The following PHF3 variants were observed in gnomAD, a reference collection of about 807,000 sequenced individuals.
PHF3 encodes PHD finger protein 3.
In PHF3, 41 loss-of-function variants were observed where a neutral mutation model predicts 178.4. That is an observed-to-expected ratio of 0.23 (90% confidence interval 0.18 to 0.30). The LOEUF (loss-of-function observed/expected upper bound fraction) is 0.30, where lower values mean the gene tolerates loss of function less well. Among genes scored for constraint, PHF3 ranks in the 10% least tolerant of loss-of-function variants. PHF3 has a pLI of 1.00. For synonymous variants in PHF3, 842 were observed against 800.5 expected, an observed-to-expected ratio of 1.05 and a Z score of -0.88; for missense variants, 2,346 against 2,398.1, an observed-to-expected ratio of 0.98 and a Z score of 0.45.
At position 63,635,913 on chromosome 6, in the gene PHF3, C is replaced by G; in HGVS notation, c.-263C>G. 2.5e-6 allele frequency: 1 copy of G among 397,986 alleles called. No homozygotes were observed. Among genetic ancestry groups the G allele is most frequent in the Non-Finnish European group, 4.4e-6 (1 of 225,684 alleles). The allele number at this position is 397,986 out of a possible 1,614,324, so 24.7% of individuals were successfully genotyped here. On this transcript the variant is annotated 5_prime_UTR_variant, in exon 1 of 16. Coordinates refer to ENST00000262043, the MANE Select transcript of PHF3 (RefSeq NM_001370348.2). ...CCCCACGCGGCAAGCGACCTTCGGG[C>G]TCAGGGCGGCGGCGGCTGCAACGAG... is the stretch of plus-strand genomic sequence containing the variant.
intron 6 of PHF3, 89 bp downstream of exon 6, chr6:63,694,853 A>ATGTTGTATT: frequency 1.3e-6 from 1 of 742,754 alleles, no homozygotes; most frequent in Non-Finnish European, 1.8e-6. Context: ...GAATTTTTAC[A>ATGTTGTATT]AATTTAACAT....
chr6:63,673,128 A>C (rs776991579), intron 2 of PHF3, among the ~76,000 whole-genome samples: 4 of 150,310 alleles, frequency 2.7e-5, no homozygotes, highest in Non-Finnish European at 4.4e-5. Flanking sequence ...TTTTTTTTTT[A>C]ATGTCAACAA....
At chr6:63,663,687 G>A (rs981713520) in intron 2 of PHF3, among the ~76,000 whole-genome samples, 6 of 152,146 alleles carry the variant, frequency 3.9e-5, no homozygotes, top group Non-Finnish European at 8.8e-5. Context: ...AACAGTGATA[G>A]AAAACTCCAG....
rs766985269 is a variant in PHF3, at chr6:63,684,486, G to A, written c.764G>A (p.Cys255Tyr). 6.2e-7 allele frequency: 1 copy of A among 1,613,770 alleles called. No homozygotes were observed. The highest frequency in any genetic ancestry group is 8.5e-7 in the Non-Finnish European group (1 of 1,179,788). The change falls in exon 4 of 16, where the codon TGT becomes TAT. Residue 255 changes from cysteine (C) to tyrosine (Y), a missense_variant. Physicochemically the swap from Cys to Tyr is radical, Grantham distance 194. Around this residue, in one of 8 missense-constraint regions of PHF3, gnomAD observed 843 missense variants for 795.2 expected, o/e 1.06. Coordinates refer to ENST00000262043, the MANE Select transcript of PHF3 (RefSeq NM_001370348.2). ...GATGTGCCATCTCATGAATTAAATT[G>A]TTCACTTCTTTCAGAGACTTGTGTT... ...EIDVPSHELN[C>Y]SLLSETCVTI...
At chr6:63,705,668 G>A (rs538868282) in intron 11 of PHF3, among the ~76,000 whole-genome samples, 3 of 152,292 alleles carry the variant, frequency 2.0e-5, no homozygotes, top group East Asian at 1.9e-4. Flanking sequence ...TGCTAATCTT[G>A]TCCATATTTA....
At chr6:63,700,510 T>C (rs1256842051) in intron 9 of PHF3, 44 bp downstream of exon 9, 4 of 1,074,750 alleles carry the variant, frequency 3.7e-6, no homozygotes, top group Non-Finnish European at 5.7e-6. Context: ...AAAATCTATG[T>C]TTTTCAGCCA....
chr6:63,713,536 GA>G lies in PHF3; in HGVS notation c.5952del (p.Ala1985GlnfsTer8). On this transcript the variant is annotated frameshift_variant, in exon 16 of 16. Transcript: ENST00000262043. LOFTEE classifies it high-confidence loss of function. ...RLSHGDRGTDGKASRDSRNVD... is the reference protein window; with the variant it reads ...RLSHGDRGTDXKASRDSRNVD... ...TCACATGGTGATCGAGGAACAGATG[GA>G]AAAGCAAGCAGAGATAGTAGGAATG... 6.2e-7 allele frequency: 1 copy of G among 1,613,674 alleles called. No homozygotes were observed. The highest frequency in any genetic ancestry group is 8.5e-7 in the Non-Finnish European group (1 of 1,179,848).
At chr6:63,698,193 G>A (rs373679971) in intron 6 of PHF3, 30 bp from the exon 7 acceptor site, 4 of 1,550,888 alleles carry the variant, frequency 2.6e-6, no homozygotes, top group Non-Finnish European at 1.8e-6. Context: ...TAAAAGCAAT[G>A]TAATGAGTTT....
intron 2 of PHF3, among the ~76,000 whole-genome samples, chr6:63,652,391 T>G (rs1765054959): frequency 6.6e-6 from 1 of 152,174 alleles, no homozygotes; most frequent in Non-Finnish European, 1.5e-5. Context: ...ATTGGATTGC[T>G]TTTTTGTTGT....
At chr6:63,696,800 A>G (rs763341729) in intron 6 of PHF3, among the ~76,000 whole-genome samples, 4 of 152,166 alleles carry the variant, frequency 2.6e-5, no homozygotes, top group African/African-American at 4.8e-5. Flanking sequence ...TGTTAAGTCT[A>G]TGACTTAGCA....
chr6:63,723,385 A>G lies in PHF3; in HGVS notation c.*9677A>G, dbSNP rs138256892. Among the ~76,000 whole-genome samples, 3 of 152,322 alleles carry G rather than the reference A, an allele frequency of 2.0e-5. No individual in the cohort carries two copies. The highest frequency in any genetic ancestry group is 7.2e-5 in the African/African-American group (3 of 41,564). ...GTTCAAAAAATTTATAGCAACCTAA[A>G]TATACTTTGTGGCCTGCAAGTGAAC... On this transcript the variant is annotated 3_prime_UTR_variant, in exon 16 of 16. Transcript: ENST00000262043.
At position 63,635,869 on chromosome 6, in the gene PHF3, T is replaced by C. The variant is rs919998727; in HGVS notation, c.-307T>C. ...CCGCCGCACGCCGATGGCTGCGGGG[T>C]CTCGCGCCGTCGCACCGTCCCCACG... On this transcript the variant is annotated 5_prime_UTR_variant, in exon 1 of 16. Transcript: ENST00000262043. The C allele has an allele frequency of 2.5e-6, 1 of 397,068 alleles. No homozygotes were observed. The highest frequency in any genetic ancestry group is 4.4e-5 in the Admixed American group (1 of 22,648). The allele number at this position is 397,068 out of a possible 1,614,324, so 24.6% of individuals were successfully genotyped here.
Position 63,698,327 on chromosome 6 carries a change from C to T in PHF3, c.2785C>T (p.Gln929Ter). 6.2e-7 allele frequency: 1 copy of T among 1,612,554 alleles called. No individual in the cohort carries two copies. The highest frequency in any genetic ancestry group is 8.5e-7 in the Non-Finnish European group (1 of 1,178,996). ...CAAGCCTTCTGCAGATCAGATCAGG[C>T]AAAGTGTCAGACATTCTCTCAAAGA... ...ASKPSADQIR[Q>*]SVRHSLKDIL... The change falls in exon 7 of 16, where the codon CAA becomes TAA. Residue 929 changes from glutamine to a stop codon, truncating the protein, a stop_gained. Coordinates refer to ENST00000262043, the MANE Select transcript of PHF3 (RefSeq NM_001370348.2). LOFTEE classifies it high-confidence loss of function.
chr6:63,651,771 CTT>C (rs553078280), intron 2 of PHF3, among the ~76,000 whole-genome samples: 2 of 152,130 alleles, frequency 1.3e-5, no homozygotes, highest in African/African-American at 4.8e-5. Flanking sequence ...GAGCTCAACT[CTT>C]TTGCTGCTAT....
chr6:63,709,101 A>G (rs1244397061), intron 13 of PHF3, 50 bp from the exon 14 acceptor site: 3 of 947,262 alleles, frequency 3.2e-6, no homozygotes, highest in Admixed American at 5.1e-5. Flanking sequence ...TAATGTCATA[A>G]TAAAGATAAT....
intron 5 of PHF3, among the ~76,000 whole-genome samples, chr6:63,694,059 C>G (rs1392694223): frequency 6.6e-6 from 1 of 152,138 alleles, no homozygotes; most frequent in Non-Finnish European, 1.5e-5. Flanking sequence ...GTTCCTCTCC[C>G]TGTCTTTCAG....
chr6:63,664,566 A>G (rs899040825), intron 2 of PHF3, among the ~76,000 whole-genome samples: 11 of 152,316 alleles, frequency 7.2e-5, no homozygotes, highest in Admixed American at 1.3e-4. Flanking sequence ...TGTATTTTGT[A>G]TAACAAATAC....
At position 63,721,737 on chromosome 6, in the gene PHF3, T is replaced by A. The variant is rs1768403550; in HGVS notation, c.*8029T>A. 4 of 1,551,050 alleles carry A rather than the reference T, an allele frequency of 2.6e-6. No individual in the cohort carries two copies. The highest frequency in any genetic ancestry group is 3.5e-6 in the Non-Finnish European group (4 of 1,146,428). On this transcript the variant is annotated 3_prime_UTR_variant, in exon 16 of 16. Transcript: ENST00000262043. ...GAGAGTTTCTAGAATGATAGTTCTG[T>A]CGCCAAGGTTGTAGCGAAGTTGAAC...
intron 2 of PHF3, among the ~76,000 whole-genome samples, chr6:63,653,941 T>C (rs1014911499): frequency 6.6e-6 from 1 of 152,232 alleles, no homozygotes; most frequent in Admixed American, 6.5e-5. Context: ...CATTTATTGA[T>C]TTCATATGTT....
Sources: allele counts gnomAD v4.1 joint callset (sites outside exome capture counted in the v4.1 genomes callset), GRCh38; gene constraint gnomAD v4.1.1; regional missense constraint gnomAD v4.1.1; transcripts MANE v1.5; gene names NCBI Gene and HGNC (gene_info 2026-07-23, HGNC 2026-07-21).